PTPRA: variants seen among roughly 807,000 people sequenced by gnomAD.
PTPRA encodes protein tyrosine phosphatase receptor type A.
In PTPRA, 25 loss-of-function variants were observed where a neutral mutation model predicts 104.8. That is an observed-to-expected ratio of 0.24 (90% CI 0.17 to 0.33). The LOEUF is 0.33. Among genes scored for constraint, PTPRA ranks in the 10% least tolerant of loss-of-function variants. The probability of loss-of-function intolerance (pLI) is 1.00; values close to 1 mark genes in which losing one functional copy is unlikely to be tolerated. For missense variants in PTPRA, 765 were observed against 1,015.3 expected, an observed-to-expected ratio of 0.75 and a Z score of 3.35; for synonymous variants, 323 against 368.9, an observed-to-expected ratio of 0.88 and a Z score of 1.43.
chr20:2,869,197 CATCT>C (rs1477278321), upstream of PTPRA, among the ~76,000 whole-genome samples: 2 of 152,196 alleles, frequency 1.3e-5, no homozygotes, highest in East Asian at 1.9e-4. Flanking sequence ...CACATCTGTT[CATCT>C]ATCCATTCCT....
At chr20:2,896,661 G>A (rs1460410914) in intron 1 of PTPRA, among the ~76,000 whole-genome samples, 2 of 152,062 alleles carry the variant, frequency 1.3e-5, no homozygotes, top group African/African-American at 4.8e-5. Context: ...TATAAAATCA[G>A]GAAATAAATA....
chr20:2,974,405 T>C (rs2062333751), intron 5 of PTPRA, among the ~76,000 whole-genome samples: 1 of 151,464 alleles, frequency 6.6e-6, no homozygotes, highest in African/African-American at 2.4e-5. Flanking sequence ...CGTGAGCCAC[T>C]GTGCCCAGCC....
chr20:2,974,688 A>C (rs1568677522), intron 5 of PTPRA, among the ~76,000 whole-genome samples: 1 of 152,024 alleles, frequency 6.6e-6, no homozygotes, highest in Non-Finnish European at 1.5e-5. Flanking sequence ...ACCCGGCCTC[A>C]TTTTGGTTTT....
rs138950156 is a variant in PTPRA, at chr20:3,035,306, G to A, written c.1921-279G>A. Among the ~76,000 whole-genome samples, 158 of 152,178 alleles carry A rather than the reference G, an allele frequency of 1.0e-3. 1 individual carries two copies. The highest frequency in any genetic ancestry group is 3.6e-3 in the African/African-American group (151 of 41,510). ...GGAATTGGAACAAAGATTTTCACTC[G>A]TCCTCCTCTCCCTGCAGCCACCAAG... On this transcript the variant is annotated intron_variant, in intron 20 of 23. Coordinates refer to ENST00000399903, the MANE Select transcript of PTPRA (RefSeq NM_001385305.1). The surrounding 1 kb of genome is among the most constrained non-coding windows in gnomAD (Gnocchi z 5.8).
At chr20:2,925,193 T>C (rs1024104462) in intron 2 of PTPRA, among the ~76,000 whole-genome samples, 5 of 152,124 alleles carry the variant, frequency 3.3e-5, no homozygotes, top group Admixed American at 6.6e-5. Flanking sequence ...AACTCCCCAT[T>C]TCCTCCTCCC....
At chr20:3,019,403 G>A (rs1174543090) in intron 13 of PTPRA, among the ~76,000 whole-genome samples, 21 of 150,966 alleles carry the variant, frequency 1.4e-4, no homozygotes, top group South Asian at 4.2e-4. Context: ...CAGACGGGGC[G>A]GTTGCCAGGC....
intron 2 of PTPRA, among the ~76,000 whole-genome samples, chr20:2,941,586 G>A (rs1223030372): frequency 6.6e-6 from 1 of 152,196 alleles, no homozygotes; most frequent in Non-Finnish European, 1.5e-5. Flanking sequence ...ATGCAGGGCA[G>A]GGAGGTCACT....
upstream of PTPRA, among the ~76,000 whole-genome samples, chr20:2,871,513 T>TA (rs984951266): frequency 1.0e-3 from 155 of 150,882 alleles, no homozygotes; most frequent in African/African-American, 2.8e-3. Context: ...AAATAAAAAG[T>TA]AAAAAAAAAC....
intron 20 of PTPRA, among the ~76,000 whole-genome samples, chr20:3,029,681 C>T (rs1452387601): frequency 6.6e-6 from 1 of 151,678 alleles, no homozygotes; most frequent in South Asian, 2.1e-4. Flanking sequence ...GGATTAAAGA[C>T]ACCCACCATC....
chr20:3,006,996 G>T (rs967067713), intron 10 of PTPRA, among the ~76,000 whole-genome samples: 3 of 152,108 alleles, frequency 2.0e-5, no homozygotes, highest in African/African-American at 7.2e-5. Flanking sequence ...GTGTGGGTAT[G>T]TGTATATATA....
intron 6 of PTPRA, among the ~76,000 whole-genome samples, chr20:2,975,518 A>G (rs537214637): frequency 2.0e-5 from 3 of 152,346 alleles, no homozygotes; most frequent in African/African-American, 7.2e-5. Flanking sequence ...CTTTGTTAAC[A>G]TTACTTTTTG....
intron 1 of PTPRA, among the ~76,000 whole-genome samples, chr20:2,915,547 A>G (rs2059870716): frequency 6.6e-6 from 1 of 152,140 alleles, no homozygotes; most frequent in African/African-American, 2.4e-5. Context: ...ATTAACACAT[A>G]GTTTCTTGCA....
chr20:2,940,020 G>A (rs1210822446), intron 2 of PTPRA, among the ~76,000 whole-genome samples: 1 of 152,256 alleles, frequency 6.6e-6, no homozygotes, highest in Non-Finnish European at 1.5e-5. Context: ...TCAGATAGGA[G>A]AATCGTTTGA....
intron 9 of PTPRA, among the ~76,000 whole-genome samples, chr20:2,989,764 T>TCCCTAAC: frequency 6.6e-6 from 1 of 152,276 alleles, no homozygotes; most frequent in East Asian, 1.9e-4. Flanking sequence ...ACGCCTGTAA[T>TCCCTAAC]CCCAGCACTT....
chr20:2,884,498 G>T (rs2090257514), intron 1 of PTPRA, among the ~76,000 whole-genome samples: 1 of 152,062 alleles, frequency 6.6e-6, no homozygotes, highest in Admixed American at 6.6e-5. Context: ...TCTCATTGTG[G>T]TTTTTATTTG....
rs1049298813 is a variant in PTPRA at position 2,950,884 on chromosome 20, T to C, written c.-7+2860T>C. On this transcript the variant is annotated intron_variant, in intron 3 of 23. Transcript: ENST00000399903. This position sits in a 1 kb window ranked among gnomAD's most constrained non-coding sequence, Gnocchi z 4.0. ...GATCCATGTATATAGCAGGGAAATATCACCACAACAAGAGTGTGAACATAT... is the reference window on the plus strand; with the variant it reads ...GATCCATGTATATAGCAGGGAAATACCACCACAACAAGAGTGTGAACATAT... 5.3e-5 allele frequency among the ~76,000 whole-genome samples: 8 copies of C among 152,274 alleles called. No homozygotes were observed. Among genetic ancestry groups the C allele is most frequent in the South Asian group, 4.1e-4 (2 of 4,830 alleles).
chr20:3,022,161 C>G lies in PTPRA; in HGVS notation c.1269C>G (p.Phe423Leu). The change falls in exon 15 of 24, where the codon TTC becomes TTG. Residue 423 changes from phenylalanine (F) to leucine (L), a missense_variant. This residue lies in a region of PTPRA where 245 missense variants were observed against 398.7 expected (regional missense o/e 0.61). Coordinates refer to ENST00000399903, the MANE Select transcript of PTPRA (RefSeq NM_001385305.1). This position sits in a 1 kb window ranked among gnomAD's most constrained non-coding sequence, Gnocchi z 4.6. ...VPFTPIGMLKFLKKVKACNPQ... is the reference protein window; with the variant it reads ...VPFTPIGMLKLLKKVKACNPQ... Reference sequence around the variant, plus strand: ...TTACCCCGATCGGCATGCTCAAGTTCCTCAAGAAGGTGAAGGCCTGTAACC... The same window carrying G: ...TTACCCCGATCGGCATGCTCAAGTTGCTCAAGAAGGTGAAGGCCTGTAACC... The G allele has an allele frequency of 6.2e-7, 1 of 1,614,210 alleles. No individual in the cohort carries two copies. Among genetic ancestry groups the G allele is most frequent in the Non-Finnish European group, 8.5e-7 (1 of 1,180,032 alleles).
At chr20:2,986,981 T>A in intron 7 of PTPRA, 132 bp downstream of exon 7, 1 of 800,994 alleles carries the variant, frequency 1.2e-6, no homozygotes. Flanking sequence ...CCCATGATAG[T>A]GCTAAAATTG....
chr20:2,933,642 G>T (rs1002094074), intron 2 of PTPRA, among the ~76,000 whole-genome samples: 2 of 151,874 alleles, frequency 1.3e-5, no homozygotes, highest in African/African-American at 4.8e-5. Context: ...TATAATTTTT[G>T]TAGAGATGGG....
Sources: gnomAD v4.1 joint callset for allele counts (sites outside exome capture counted in the v4.1 genomes callset) on GRCh38, gnomAD v4.1.1 for gene constraint, gnomAD v4.1.1 regional missense constraint, Gnocchi (gnomAD v3.1) non-coding constraint, MANE v1.5 for transcripts, NCBI Gene and HGNC (gene_info 2026-07-23, HGNC 2026-07-21) for gene names.